Variants in SUMF1 observed in about 807,000 individuals in gnomAD.
SUMF1 encodes sulfatase modifying factor 1, also known as formylglycine-generating enzyme.
SUMF1 carries 48 observed loss-of-function variants against 47.6 expected under a neutral mutation model. The observed-to-expected ratio is 1.01, with a 90% CI of 0.80 to 1.28. The LOEUF is 1.28. Ranked by LOEUF, SUMF1 falls within the 50% of genes most tolerant of loss-of-function variation. The pLI, the probability that SUMF1 is intolerant of heterozygous loss-of-function variation, is 0.00. For missense variants in SUMF1, 571 were observed against 485.4 expected (o/e 1.18, Z -1.66); for synonymous variants, 230 against 192.1 (o/e 1.20, Z -1.63).
At chr3:4,379,861 A>G (rs1559259585) in intron 7 of SUMF1, among the ~76,000 whole-genome samples, 1 of 151,378 alleles carries the variant, frequency 6.6e-6, no homozygotes, top group Non-Finnish European at 1.5e-5. Flanking sequence ...AAAAAAAAAA[A>G]AAAAGATACT....
At chr3:4,462,880 A>C (rs1400269070) in intron 1 of SUMF1, among the ~76,000 whole-genome samples, 1 of 152,170 alleles carries the variant, frequency 6.6e-6, no homozygotes, top group Non-Finnish European at 1.5e-5. Flanking sequence ...TGACATTCAA[A>C]GTTTCTTGCA....
At chr3:4,435,744 T>C (rs1035488404) in intron 3 of SUMF1, among the ~76,000 whole-genome samples, 1 of 152,080 alleles carries the variant, frequency 6.6e-6, no homozygotes, top group African/African-American at 2.4e-5. Flanking sequence ...ATTTGTAAAG[T>C]GATGAAAGAA....
chr3:4,255,670 A>C (rs1696933865), intron 8 of SUMF1, among the ~76,000 whole-genome samples: 2 of 139,496 alleles, frequency 1.4e-5, no homozygotes, highest in South Asian at 5.1e-4. Flanking sequence ...ATAATGGGAG[A>C]CTTTAACACC....
intron 6 of SUMF1, among the ~76,000 whole-genome samples, chr3:4,416,597 C>T (rs1244444678): frequency 6.6e-6 from 1 of 152,230 alleles, no homozygotes; most frequent in Non-Finnish European, 1.5e-5. Flanking sequence ...TCCAGCTGTG[C>T]CGCTTTCCAG....
chr3:4,242,975 A>G lies in SUMF1; in HGVS notation c.1014+133355T>C, dbSNP rs149667196. Among the ~76,000 whole-genome samples, 1,365 of 152,210 alleles carry G rather than the reference A, an allele frequency of 9.0e-3. 24 individuals are homozygous for G. Among genetic ancestry groups the G allele is most frequent in the African/African-American group, 0.031 (1,303 of 41,536 alleles). On this transcript the variant is annotated intron_variant and NMD_transcript_variant, in intron 8 of 12. Transcript: ENST00000448413. The stretch of plus-strand genomic sequence containing the variant: ...GAGCCTGTTATTGGTCTATTCAGAG[A>G]TTCAACTTCTTCCTTGTTTAGTCTT...
At chr3:4,099,819 T>A (rs143631534) in intron 8 of SUMF1, among the ~76,000 whole-genome samples, 1 of 150,292 alleles carries the variant, frequency 6.7e-6, no homozygotes, top group Non-Finnish European at 1.5e-5. Flanking sequence ...CCACAAACTG[T>A]CTGAAAAAAG....
At chr3:4,079,912 G>A (rs919492463) in intron 8 of SUMF1, among the ~76,000 whole-genome samples, 4 of 151,310 alleles carry the variant, frequency 2.6e-5, no homozygotes, top group African/African-American at 9.7e-5. Context: ...AAAACTAAAG[G>A]CACTCAGGAA....
intron 8 of SUMF1, among the ~76,000 whole-genome samples, chr3:4,276,432 A>C (rs1697418866): frequency 6.6e-6 from 1 of 152,194 alleles, no homozygotes; most frequent in Admixed American, 6.5e-5. Flanking sequence ...AATCAGCAGA[A>C]TATTCCAATA....
chr3:4,356,597 G>C (rs1169532867), downstream of SUMF1, among the ~76,000 whole-genome samples: 30 of 149,834 alleles, frequency 2.0e-4, no homozygotes, highest in Non-Finnish European at 1.5e-5. Context: ...TTTTTGCTCT[G>C]TGAAACGTAT....
intron 8 of SUMF1, among the ~76,000 whole-genome samples, chr3:4,201,039 T>C (rs568352146): frequency 6.6e-6 from 1 of 152,258 alleles, no homozygotes; most frequent in African/African-American, 2.4e-5. Context: ...ATTTATAAGG[T>C]ATATGAGATA....
intron 8 of SUMF1, among the ~76,000 whole-genome samples, chr3:4,355,236 G>T (rs6807598): frequency 0.088 from 13,446 of 152,204 alleles, 770 homozygotes; most frequent in East Asian, 0.31. Context: ...TGTGCCTGTA[G>T]TCCCAGATAC....
At chr3:4,238,710 C>G (rs936994545) in intron 8 of SUMF1, among the ~76,000 whole-genome samples, 1 of 152,078 alleles carries the variant, frequency 6.6e-6, no homozygotes, top group African/African-American at 2.4e-5. Context: ...AAAATTTTCT[C>G]CCATTCTGTA....
At chr3:4,103,691 T>C (rs1317440060) in intron 8 of SUMF1, among the ~76,000 whole-genome samples, 1 of 152,136 alleles carries the variant, frequency 6.6e-6, no homozygotes, top group Admixed American at 6.5e-5. Context: ...ACACTTACTA[T>C]GTATCAGGTC....
intron 8 of SUMF1, among the ~76,000 whole-genome samples, chr3:4,208,578 T>A (rs1259902005): frequency 6.6e-6 from 1 of 151,550 alleles, no homozygotes; most frequent in African/African-American, 2.4e-5. Context: ...GCAATTAATA[T>A]GCTAAGGTTA....
intron 3 of SUMF1, among the ~76,000 whole-genome samples, chr3:4,420,845 G>A (rs1414583093): frequency 2.6e-5 from 4 of 152,196 alleles, no homozygotes; most frequent in African/African-American, 9.6e-5. Flanking sequence ...ATGGTGGTCA[G>A]AGATCAAGCT....
intron 8 of SUMF1, among the ~76,000 whole-genome samples, chr3:4,333,328 C>G (rs145969039): frequency 2.1e-4 from 32 of 152,338 alleles, no homozygotes; most frequent in South Asian, 8.3e-4. Context: ...CATAAGGGGG[C>G]TTCGAGCAGC....
intron 8 of SUMF1, among the ~76,000 whole-genome samples, chr3:4,201,024 T>C (rs1223446107): frequency 2.0e-5 from 3 of 152,162 alleles, no homozygotes; most frequent in Non-Finnish European, 4.4e-5. Flanking sequence ...CTAGTAAATG[T>C]ATATATTTAT....
At chr3:4,260,471 C>T (rs1463785995) in intron 8 of SUMF1, among the ~76,000 whole-genome samples, 2 of 152,208 alleles carry the variant, frequency 1.3e-5, no homozygotes, top group Admixed American at 6.5e-5. Flanking sequence ...AGCCAATCTA[C>T]ATGACTTTGA....
intron 8 of SUMF1, among the ~76,000 whole-genome samples, chr3:4,122,781 G>A (rs139506411): frequency 2.0e-3 from 311 of 152,276 alleles, no homozygotes; most frequent in Non-Finnish European, 3.7e-3. Context: ...AGGTTGAAAG[G>A]GAAAACTGCC....
Sources: allele counts gnomAD v4.1 joint callset (sites outside exome capture counted in the v4.1 genomes callset), GRCh38; gene constraint gnomAD v4.1.1; transcripts MANE v1.5; gene names NCBI Gene and HGNC (gene_info 2026-07-23, HGNC 2026-07-21).